NMT2: variants seen among roughly 807,000 people sequenced by gnomAD.
NMT2 encodes the protein glycylpeptide N-tetradecanoyltransferase 2.
Under a neutral mutation model 65.4 loss-of-function variants are expected in NMT2, and 35 were observed. The ratio of observed to expected loss-of-function variants is 0.54; its 90% CI spans 0.41 to 0.71. The LOEUF is 0.71. Among genes scored for constraint, NMT2 ranks in the 30% least tolerant of loss-of-function variants. The probability of loss-of-function intolerance (pLI) is 0.00; values close to 1 mark genes in which losing one functional copy is unlikely to be tolerated. For missense variants in NMT2, 489 were observed against 611.3 expected (o/e 0.80, Z 2.11); for synonymous variants, 226 against 231.8 (o/e 0.98, Z 0.23).
Position 15,140,986 on chromosome 10 carries a change from C to T in NMT2, c.246+436G>A, listed in dbSNP as rs1277329739. The T allele has an allele frequency of 8.4e-6, 13 of 1,550,640 alleles. No individual in the cohort carries two copies. In the South Asian group the frequency reaches 1.5e-4, roughly 18 times the overall value. On this transcript the variant is annotated intron_variant, in intron 2 of 11. Transcript: ENST00000378165. ...TAATTCAAAGTCAACGAGAGACTTACCCATGGCTGCTCCCGCTGAAATCTG... is the reference window on the plus strand; with the variant it reads ...TAATTCAAAGTCAACGAGAGACTTATCCATGGCTGCTCCCGCTGAAATCTG...
chr10:15,168,471 T>G, intron 1 of NMT2, 32 bp downstream of exon 1: 2 of 1,523,380 alleles, frequency 1.3e-6, no homozygotes, highest in Non-Finnish European at 1.8e-6. Context: ...CCCCGCCCTG[T>G]CGCGCCCGGT....
chr10:15,157,089 T>C (rs967524124), intron 1 of NMT2, among the ~76,000 whole-genome samples: 10 of 152,034 alleles, frequency 6.6e-5, no homozygotes, highest in African/African-American at 2.4e-4. Flanking sequence ...CTATGGGAAT[T>C]TCTTATGTTA....
At position 15,107,859 on chromosome 10, in the gene NMT2, G is replaced by A. The variant is rs1845359331; in HGVS notation, c.*1336C>T. On this transcript the variant is annotated 3_prime_UTR_variant, in exon 12 of 12. Coordinates refer to ENST00000378165, the MANE Select transcript of NMT2 (RefSeq NM_004808.3). ...TGGCAATATAAACACACATCTGTAA[G>A]CCATGAAAGTTTTTCAAATTCTAGA... is the stretch of plus-strand genomic sequence containing the variant. The A allele has an allele frequency of 1.0e-6, 1 of 985,650 alleles. No homozygotes were observed. The highest frequency in any genetic ancestry group is 1.2e-6 in the Non-Finnish European group (1 of 829,798). The allele number at this position is 985,650 out of a possible 1,614,324, so 61.1% of individuals were successfully genotyped here.
rs1845398861 is a variant in NMT2 at position 15,108,612 on chromosome 10, A to G, written c.*583T>C. 1.0e-6 allele frequency: 1 copy of G among 985,940 alleles called. No homozygotes were observed. Among genetic ancestry groups the G allele is most frequent in the Non-Finnish European group, 1.2e-6 (1 of 830,448 alleles). The allele number at this position is 985,940 out of a possible 1,614,324, so 61.1% of individuals were successfully genotyped here. On this transcript the variant is annotated 3_prime_UTR_variant, in exon 12 of 12. Coordinates refer to ENST00000378165, the MANE Select transcript of NMT2 (RefSeq NM_004808.3). ...GATTCGGCAACTCTGCTTATGGAGA[A>G]ATACATGTACTAGTCACCAGTACAT...
chr10:15,129,236 T>C (rs745978689), intron 7 of NMT2, among the ~76,000 whole-genome samples: 5 of 152,202 alleles, frequency 3.3e-5, no homozygotes, highest in African/African-American at 4.8e-5. Context: ...TATTAAAATA[T>C]ACCCCTGAAG....
Position 15,124,341 on chromosome 10 carries a change from C to T in NMT2, c.999+4009G>A, listed in dbSNP as rs181723371. On this transcript the variant is annotated intron_variant, in intron 8 of 11. Coordinates refer to ENST00000378165, the MANE Select transcript of NMT2 (RefSeq NM_004808.3). ...ACAGTTGTGAATGGCGCAGGCCCTG[C>T]GACAGCTCTGCTTCTGGCCAGCAGA... Among the ~76,000 whole-genome samples the T allele has an allele frequency of 1.2e-4, 18 of 152,196 alleles. 1 individual carries two copies. The highest frequency in any genetic ancestry group is 2.9e-4 in the African/African-American group (12 of 41,448).
At chr10:15,155,063 G>T (rs1259418839) in intron 1 of NMT2, 12 of 1,312,506 alleles carry the variant, frequency 9.1e-6, no homozygotes, top group Non-Finnish European at 1.3e-5. Flanking sequence ...TCAGAATGAA[G>T]TTCTCATCAT....
chr10:15,148,174 G>A (rs1847027794), intron 1 of NMT2, among the ~76,000 whole-genome samples: 1 of 152,140 alleles, frequency 6.6e-6, no homozygotes, highest in African/African-American at 2.4e-5. Flanking sequence ...TAACCTCTCT[G>A]TGCTCCAGTT....
At chr10:15,139,907 A>G (rs1846679368) in intron 2 of NMT2, 1 of 112,274 alleles carries the variant, frequency 8.9e-6, no homozygotes. Context: ...ATATATATAT[A>G]TATGCACTGT....
chr10:15,122,262 G>GA (rs1345887569), intron 8 of NMT2, among the ~76,000 whole-genome samples: 2 of 151,218 alleles, frequency 1.3e-5, no homozygotes, highest in Admixed American at 6.6e-5. Flanking sequence ...ATTCAGAAAT[G>GA]AAAAAAAAAT....
At chr10:15,112,157 T>G (rs1845539375) in intron 10 of NMT2, among the ~76,000 whole-genome samples, 1 of 127,350 alleles carries the variant, frequency 7.9e-6, no homozygotes, top group African/African-American at 2.7e-5. Context: ...CTTATATTAC[T>G]TCCTAAGATA....
At chr10:15,139,085 C>A (rs979679479) in intron 2 of NMT2, among the ~76,000 whole-genome samples, 9 of 152,142 alleles carry the variant, frequency 5.9e-5, no homozygotes, top group African/African-American at 1.9e-4. Context: ...CTGGCCTAGC[C>A]TCCCAGCCTC....
Position 15,155,535 on chromosome 10 carries a change from GTTTTTTTTTTTTTT to G in NMT2, c.110+12954_110+12967del, listed in dbSNP as rs71390015. ...AGGTGTATGCCACTATGCCGGGCTAGTTTTTTTTTTTTTTTTTTTTTTTTTTTTGTAGAGGCAGG... is the reference window on the plus strand; with the variant it reads ...AGGTGTATGCCACTATGCCGGGCTAGTTTTTTTTTTTTTTGTAGAGGCAGG... On this transcript the variant is annotated intron_variant, in intron 1 of 11. Transcript: ENST00000378165. 8.0e-3 allele frequency among the ~76,000 whole-genome samples: 475 copies of G among 59,432 alleles called. 4 individuals carry two copies. Among genetic ancestry groups the G allele is most frequent in the Middle Eastern group, 0.037 (3 of 80 alleles). The allele number at this position is 59,432 out of a possible 152,430, so 39.0% of individuals were successfully genotyped here.
intron 1 of NMT2, among the ~76,000 whole-genome samples, chr10:15,161,364 T>G (rs1833192812): frequency 6.6e-6 from 1 of 152,098 alleles, no homozygotes. Flanking sequence ...TTACTTTTAT[T>G]TTTTTGAGAC....
At chr10:15,134,562 C>T (rs1156417803) in intron 3 of NMT2, among the ~76,000 whole-genome samples, 1 of 152,204 alleles carries the variant, frequency 6.6e-6, no homozygotes, top group Non-Finnish European at 1.5e-5. Context: ...TACTTTTCCA[C>T]CACTGTTTCC....
intron 1 of NMT2, among the ~76,000 whole-genome samples, chr10:15,163,160 C>T (rs1267549322): frequency 6.6e-6 from 1 of 152,156 alleles, no homozygotes; most frequent in East Asian, 1.9e-4. Context: ...CGATCCTCCA[C>T]CTTGGCTTCC....
At chr10:15,140,909 A>G in intron 2 of NMT2, 3 of 1,305,394 alleles carry the variant, frequency 2.3e-6, no homozygotes, top group Non-Finnish European at 3.2e-6. Flanking sequence ...AATGTCAGGA[A>G]CTATTTCCCA....
chr10:15,141,237 C>T, intron 2 of NMT2, 185 bp downstream of exon 2: 3 of 823,964 alleles, frequency 3.6e-6, no homozygotes, highest in Non-Finnish European at 5.7e-6. Context: ...CACAGTGTAC[C>T]CCTTCGTTAT....
chr10:15,158,617 T>C (rs1379788349), intron 1 of NMT2, among the ~76,000 whole-genome samples: 1 of 152,252 alleles, frequency 6.6e-6, no homozygotes, highest in African/African-American at 2.4e-5. Flanking sequence ...CTGAAAGTGC[T>C]GTCTCCATGC....
Sources: allele counts gnomAD v4.1 joint callset (sites outside exome capture counted in the v4.1 genomes callset), GRCh38; gene constraint gnomAD v4.1.1; transcripts MANE v1.5; gene names NCBI Gene and HGNC (gene_info 2026-07-23, HGNC 2026-07-21).